The following MAST4 variants were observed in gnomAD, a reference collection of about 807,000 sequenced individuals.
The protein encoded by MAST4 is microtubule-associated serine/threonine-protein kinase 4.
Under a neutral mutation model 162.7 loss-of-function variants are expected in MAST4, and 89 were observed. The ratio of observed to expected loss-of-function variants is 0.55; its 90% CI spans 0.46 to 0.65. The LOEUF (loss-of-function observed/expected upper bound fraction) is 0.65, where lower values mean the gene tolerates loss of function less well. MAST4 is among the 30% of genes least tolerant of loss of function. The pLI, the probability that MAST4 is intolerant of heterozygous loss-of-function variation, is 0.00. For synonymous variants in MAST4, 1,479 were observed against 1,361.1 expected, an observed-to-expected ratio of 1.09 and a Z score of -1.91; for missense variants, 3,153 against 3,374.0, an observed-to-expected ratio of 0.93 and a Z score of 1.62.
chr5:66,912,638 A>C (rs1763851481), intron 4 of MAST4, among the ~76,000 whole-genome samples: 1 of 152,204 alleles, frequency 6.6e-6, no homozygotes, highest in Admixed American at 6.5e-5. Flanking sequence ...AATTTGATAG[A>C]ATCATGGGGA....
At chr5:66,674,337 G>T (rs541135422) in intron 1 of MAST4, among the ~76,000 whole-genome samples, 1 of 152,288 alleles carries the variant, frequency 6.6e-6, no homozygotes, top group Non-Finnish European at 1.5e-5. Flanking sequence ...TGCTGTAAGA[G>T]GGTTTCTGGA....
At chr5:66,713,433 T>A (rs1277987374) in intron 1 of MAST4, among the ~76,000 whole-genome samples, 1 of 152,212 alleles carries the variant, frequency 6.6e-6, no homozygotes, top group East Asian at 1.9e-4. Flanking sequence ...TGGATACCCC[T>A]GAGCATGAGC....
At chr5:67,048,498 A>G (rs1422634491) in intron 4 of MAST4, among the ~76,000 whole-genome samples, 1 of 152,226 alleles carries the variant, frequency 6.6e-6, no homozygotes, top group African/African-American at 2.4e-5. Context: ...GCAGTAACAT[A>G]TTAAAACAGG....
chr5:66,836,673 C>T (rs1757988315), intron 3 of MAST4, among the ~76,000 whole-genome samples: 1 of 152,062 alleles, frequency 6.6e-6, no homozygotes. Flanking sequence ...GGCTGTTATC[C>T]TAAGCATACT....
chr5:67,163,779 G>A lies in MAST4; in HGVS notation c.4600G>A (p.Ala1534Thr). 6.2e-7 allele frequency: 1 copy of A among 1,611,462 alleles called. No homozygotes were observed. Among genetic ancestry groups the A allele is most frequent in the Non-Finnish European group, 8.5e-7 (1 of 1,178,792 alleles). Residue 1534 changes from alanine (A) to threonine (T), a missense_variant, in exon 29 of 29, where the codon GCC (alanine) becomes ACC (threonine). This residue lies in a region of MAST4 where 1,644 missense variants were observed against 1,495.0 expected (regional missense o/e 1.10). Transcript: ENST00000403625. The surrounding 1 kb of genome is among the most constrained non-coding windows in gnomAD (Gnocchi z 7.0). ...VDDLDRDKLK[A>T]KVVVKKADGF... ...CGACCTGGACCGCGACAAGCTGAAG[G>A]CCAAGGTGGTGGTGAAGAAAGCAGA...
At chr5:66,908,961 C>G (rs1212752468) in intron 4 of MAST4, among the ~76,000 whole-genome samples, 1 of 152,204 alleles carries the variant, frequency 6.6e-6, no homozygotes, top group African/African-American at 2.4e-5. Flanking sequence ...GTGTTTATGA[C>G]AGTACCTGGC....
intron 4 of MAST4, among the ~76,000 whole-genome samples, chr5:67,000,757 G>C (rs982609463): frequency 1.3e-5 from 1 of 76,276 alleles, no homozygotes; most frequent in African/African-American, 4.4e-5. Context: ...TAAAAAAAAA[G>C]GGGGGGGGTG....
At chr5:66,884,617 G>A (rs578124305) in intron 3 of MAST4, among the ~76,000 whole-genome samples, 1 of 152,294 alleles carries the variant, frequency 6.6e-6, no homozygotes, top group East Asian at 1.9e-4. Context: ...AAGTGTTAAT[G>A]TTGTAATACT....
At position 66,904,890 on chromosome 5, in the gene MAST4, AC is replaced by A. The variant is rs1475495628; in HGVS notation, c.674+4911del. On this transcript the variant is annotated intron_variant, in intron 4 of 28. Transcript: ENST00000403625. ...CACCCAGGTAGTGAGTGAATATAGT[AC>A]CCAAACAGTAGTTTTCCAGCCCTTT... Among the ~76,000 whole-genome samples, 3 of 152,090 alleles carry A rather than the reference AC, an allele frequency of 2.0e-5. No homozygotes were observed. The East Asian group carries it at 5.8e-4, about 29-fold the overall frequency.
chr5:67,161,980 CT>C (rs1209210812), intron 27 of MAST4, among the ~76,000 whole-genome samples: 2 of 152,164 alleles, frequency 1.3e-5, no homozygotes, highest in African/African-American at 4.8e-5. Flanking sequence ...TTAAGATGTG[CT>C]CATTGAGTAC....
At chr5:66,871,115 C>G (rs1414423270) in intron 3 of MAST4, among the ~76,000 whole-genome samples, 1 of 148,562 alleles carries the variant, frequency 6.7e-6, no homozygotes, top group Non-Finnish European at 1.5e-5. Context: ...ATACTCCCAC[C>G]CTGGCCAGTT....
chr5:67,031,471 C>T (rs1237754606), intron 4 of MAST4, among the ~76,000 whole-genome samples: 1 of 152,094 alleles, frequency 6.6e-6, no homozygotes, highest in Non-Finnish European at 1.5e-5. Flanking sequence ...GACTATTTGA[C>T]ATTTACAGTG....
chr5:66,928,439 C>T lies in MAST4; in HGVS notation c.674+28457C>T, dbSNP rs1302410702. Among the ~76,000 whole-genome samples the T allele has an allele frequency of 2.6e-5, 4 of 152,180 alleles. No homozygotes were observed. In the East Asian group the frequency reaches 5.8e-4, roughly 22 times the overall value. On this transcript the variant is annotated intron_variant, in intron 4 of 28. Coordinates refer to ENST00000403625, the MANE Select transcript of MAST4 (RefSeq NM_001164664.2). ...CAGTTTGCAAAGTCAGAAAGAAGTA[C>T]GAGTTGCTCTTTGCTGCTGTTTCTT...
intron 1 of MAST4, among the ~76,000 whole-genome samples, chr5:66,635,476 T>C (rs954387787): frequency 6.6e-6 from 1 of 152,218 alleles, no homozygotes; most frequent in Non-Finnish European, 1.5e-5. Context: ...AAATGTTTTC[T>C]AGGATATTTG....
rs776588716 is a variant in MAST4 at position 67,022,222 on chromosome 5, C to T, written c.675-32182C>T. On this transcript the variant is annotated intron_variant, in intron 4 of 28. Transcript: ENST00000403625. ...CTTATAGCTTTTTCTGTCTTTTGGA[C>T]TATGTCCTTAGGATAATTTCCCAGA... Among the ~76,000 whole-genome samples the T allele has an allele frequency of 2.6e-5, 4 of 152,152 alleles. No homozygotes were observed. The South Asian group carries it at 8.3e-4, about 32-fold the overall frequency.
chr5:66,894,044 T>G (rs1401595814), intron 3 of MAST4, among the ~76,000 whole-genome samples: 1 of 152,194 alleles, frequency 6.6e-6, no homozygotes, highest in Non-Finnish European at 1.5e-5. Flanking sequence ...AGAACTCCAT[T>G]TTGAGTACCT....
intron 1 of MAST4, among the ~76,000 whole-genome samples, chr5:66,659,738 A>C (rs562168865): frequency 1.3e-5 from 2 of 152,392 alleles, no homozygotes; most frequent in South Asian, 4.1e-4. Flanking sequence ...CTTCACAGGC[A>C]GCTTACAGCC....
chr5:66,961,804 CA>C (rs1746053020), intron 4 of MAST4, among the ~76,000 whole-genome samples: 1 of 152,096 alleles, frequency 6.6e-6, no homozygotes, highest in Non-Finnish European at 1.5e-5. Context: ...ATGGACATAT[CA>C]GGGGACATTC....
chr5:66,892,510 C>A (rs918551012), intron 3 of MAST4, among the ~76,000 whole-genome samples: 2 of 152,146 alleles, frequency 1.3e-5, no homozygotes, highest in Non-Finnish European at 2.9e-5. Context: ...CTTGCCTTTG[C>A]CCTTGGTAGA....
Sources: allele counts gnomAD v4.1 joint callset (sites outside exome capture counted in the v4.1 genomes callset), GRCh38; gene constraint gnomAD v4.1.1; regional missense constraint gnomAD v4.1.1; non-coding constraint Gnocchi (gnomAD v3.1); transcripts MANE v1.5; gene names NCBI Gene and HGNC (gene_info 2026-07-23, HGNC 2026-07-21).